SLC22A3: variants seen among roughly 807,000 people sequenced by gnomAD.
SLC22A3 encodes EMT organic cation transporter 3.
Under a neutral mutation model 59.1 loss-of-function variants are expected in SLC22A3, and 51 were observed. That is an observed-to-expected ratio of 0.86 (90% CI 0.69 to 1.09). SLC22A3 has a LOEUF of 1.09. SLC22A3 is among the 50% of genes least tolerant of loss of function. The probability of loss-of-function intolerance (pLI) is 0.00; values close to 1 mark genes in which losing one functional copy is unlikely to be tolerated. For synonymous variants in SLC22A3, 325 were observed against 292.0 expected (o/e 1.11, Z -1.15); for missense variants, 711 against 726.3 (o/e 0.98, Z 0.24).
At chr6:160,381,111 C>A (rs772382087) in intron 1 of SLC22A3, among the ~76,000 whole-genome samples, 2 of 152,092 alleles carry the variant, frequency 1.3e-5, no homozygotes, top group Non-Finnish European at 1.5e-5. Flanking sequence ...AAGTGGGGAG[C>A]TACTGAAGGT....
intron 1 of SLC22A3, among the ~76,000 whole-genome samples, chr6:160,372,320 T>C (rs1785429517): frequency 6.6e-6 from 1 of 152,228 alleles, no homozygotes. Flanking sequence ...TGTCGAATAC[T>C]GGCCCCCACT....
chr6:160,442,748 T>C lies in SLC22A3; in HGVS notation c.1289-13T>C. On this transcript the variant is annotated splice_polypyrimidine_tract_variant and intron_variant, in intron 7 of 10. Transcript: ENST00000275300. ...CCCCTAACTCCTCCCTTTCAAACTTTCTGTGTTTGCAGGAATAGCATGGTT... is the reference window on the plus strand; with the variant it reads ...CCCCTAACTCCTCCCTTTCAAACTTCCTGTGTTTGCAGGAATAGCATGGTT... The C allele has an allele frequency of 6.3e-7, 1 of 1,597,664 alleles. No individual in the cohort carries two copies. Among genetic ancestry groups the C allele is most frequent in the Non-Finnish European group, 8.6e-7 (1 of 1,164,982 alleles).
intron 2 of SLC22A3, among the ~76,000 whole-genome samples, chr6:160,404,740 T>C (rs1017981075): frequency 1.3e-5 from 2 of 151,800 alleles, no homozygotes; most frequent in Admixed American, 6.6e-5. Flanking sequence ...TGTGAAAGAA[T>C]AGACCTCTAC....
intron 1 of SLC22A3, among the ~76,000 whole-genome samples, chr6:160,364,012 T>C (rs1188475874): frequency 3.3e-5 from 5 of 151,808 alleles, no homozygotes; most frequent in Non-Finnish European, 5.9e-5. Flanking sequence ...GACCCACAAG[T>C]AGAAAAATGA....
intron 4 of SLC22A3, 143 bp downstream of exon 4, chr6:160,409,064 A>C: frequency 3.1e-6 from 2 of 654,712 alleles, no homozygotes; most frequent in African/African-American, 2.2e-5. Flanking sequence ...GTACATGTGC[A>C]CATTGTGCAG....
intron 2 of SLC22A3, among the ~76,000 whole-genome samples, chr6:160,402,497 A>T (rs1340734491): frequency 6.6e-6 from 1 of 151,876 alleles, no homozygotes; most frequent in Non-Finnish European, 1.5e-5. Context: ...AAAAACCTAT[A>T]AAGATATAAT....
chr6:160,432,866 ACTGT>A (rs1788204142), intron 5 of SLC22A3, among the ~76,000 whole-genome samples: 1 of 152,106 alleles, frequency 6.6e-6, no homozygotes, highest in South Asian at 2.1e-4. Flanking sequence ...TCATCTTCTT[ACTGT>A]CTGTGTGTCC....
intron 3 of SLC22A3, among the ~76,000 whole-genome samples, chr6:160,408,498 G>A (rs892068507): frequency 6.6e-6 from 1 of 152,190 alleles, no homozygotes; most frequent in African/African-American, 2.4e-5. Flanking sequence ...GTACCCAGAA[G>A]AGTGCTGGTC....
At position 160,437,309 on chromosome 6, in the gene SLC22A3, A is replaced by G. The variant is rs967228127; in HGVS notation, c.1288+98A>G. ...GCCACTTGTTCTTAGGAAATGTGCA[A>G]TGGAATCACAGTCTTTCGTGATGTC... is the stretch of plus-strand genomic sequence containing the variant. On this transcript the variant is annotated intron_variant, in intron 7 of 10. Transcript: ENST00000275300. The G allele has an allele frequency of 4.1e-6, 5 of 1,214,604 alleles. No homozygotes were observed. In the African/African-American group the frequency reaches 7.4e-5, roughly 18 times the overall value. 75.2% of individuals were successfully genotyped at this position (1,214,604 alleles called of 1,614,324 possible).
At position 160,427,270 on chromosome 6, in the gene SLC22A3, G is replaced by C. The variant is rs2661840; in HGVS notation, c.976-9510G>C. The stretch of plus-strand genomic sequence containing the variant: ...CATTTTCCTGAGAAAAGGGATGGAG[G>C]AACATAGGCAGCATCAAGCTCCAGC... On this transcript the variant is annotated intron_variant, in intron 5 of 10. Transcript: ENST00000275300. 2.6e-3 allele frequency among the ~76,000 whole-genome samples: 399 copies of C among 152,314 alleles called. 13 individuals carry two copies. The East Asian group carries it at 0.064, about 24-fold the overall frequency.
intron 1 of SLC22A3, among the ~76,000 whole-genome samples, chr6:160,358,789 G>A (rs576230859): frequency 6.6e-6 from 1 of 152,320 alleles, no homozygotes; most frequent in South Asian, 2.1e-4. Context: ...CTAGTCTGGG[G>A]TTGCTGGATG....
chr6:160,429,723 A>G (rs1788083533), intron 5 of SLC22A3, among the ~76,000 whole-genome samples: 1 of 152,132 alleles, frequency 6.6e-6, no homozygotes, highest in South Asian at 2.1e-4. Context: ...CGTACGTGGT[A>G]TTTGCCAGTG....
rs1786507425 is a variant in SLC22A3 at position 160,397,200 on chromosome 6, ATTAG to A, written c.430-774_430-771del. 2.0e-5 allele frequency among the ~76,000 whole-genome samples: 3 copies of A among 152,232 alleles called. 1 individual carries two copies. The South Asian group carries it at 6.2e-4, about 32-fold the overall frequency. Reference sequence around the variant, plus strand: ...ACTATTCTACCTGAGATCATCAGGCATTAGTTAGATTCTCATAAGAAGTGCGCAA... The same window carrying A: ...ACTATTCTACCTGAGATCATCAGGCATTAGATTCTCATAAGAAGTGCGCAA... On this transcript the variant is annotated intron_variant, in intron 1 of 10. Transcript: ENST00000275300.
intron 1 of SLC22A3, among the ~76,000 whole-genome samples, chr6:160,366,079 C>A (rs1364905053): frequency 6.6e-6 from 1 of 152,090 alleles, no homozygotes; most frequent in Non-Finnish European, 1.5e-5. Context: ...GGGAACACAG[C>A]CAAACCATAT....
chr6:160,377,409 C>T (rs1785635337), intron 1 of SLC22A3, among the ~76,000 whole-genome samples: 1 of 151,734 alleles, frequency 6.6e-6, no homozygotes, highest in Non-Finnish European at 1.5e-5. Context: ...TGCTTGAACC[C>T]AGAAGGTGGA....
chr6:160,379,835 G>A (rs1785732488), intron 1 of SLC22A3, among the ~76,000 whole-genome samples: 1 of 152,122 alleles, frequency 6.6e-6, no homozygotes. Flanking sequence ...TCCCATCATT[G>A]AATCTGGACA....
intron 1 of SLC22A3, among the ~76,000 whole-genome samples, chr6:160,355,312 T>C (rs1230776525): frequency 6.6e-6 from 1 of 152,166 alleles, no homozygotes; most frequent in Admixed American, 6.5e-5. Context: ...ACACAAGGTC[T>C]CTGTGCCTCC....
intron 2 of SLC22A3, among the ~76,000 whole-genome samples, chr6:160,400,216 C>T (rs1372009666): frequency 1.3e-5 from 2 of 149,676 alleles, no homozygotes; most frequent in Non-Finnish European, 3.0e-5. Flanking sequence ...GCCAGAATAT[C>T]GTTCTTAACA....
Position 160,410,836 on chromosome 6 carries a change from A to G in SLC22A3, c.965A>G (p.Asn322Ser), listed in dbSNP as rs777937114. Residue 322 changes from asparagine to serine, a missense_variant, in exon 5 of 11, where the codon AAT becomes AGT. Transcript: ENST00000275300. ...TGCAATGGGAAATACCTCTCATCAA[A>G]TTACTCAGAGGTAATTTCTTTCAGT... is the stretch of plus-strand genomic sequence containing the variant. The part of the protein sequence containing the change: ...AKCNGKYLSS[N>S]YSEITVTDEE... The G allele has an allele frequency of 6.3e-7, 1 of 1,591,486 alleles. No homozygotes were observed. Among genetic ancestry groups the G allele is most frequent in the South Asian group, 1.1e-5 (1 of 90,604 alleles).
Sources: allele counts gnomAD v4.1 joint callset (sites outside exome capture counted in the v4.1 genomes callset), GRCh38; gene constraint gnomAD v4.1.1; transcripts MANE v1.5; gene names NCBI Gene and HGNC (gene_info 2026-07-23, HGNC 2026-07-21).